RBM39: variants seen among roughly 807,000 people sequenced by gnomAD.
RBM39 encodes RNA-binding protein 39.
A neutral mutation model predicts 79.6 loss-of-function variants in RBM39; 12 were observed. The ratio of observed to expected loss-of-function variants is 0.15; its 90% confidence interval spans 0.10 to 0.24. The LOEUF (loss-of-function observed/expected upper bound fraction) is 0.24. Among genes scored for constraint, RBM39 ranks in the 10% least tolerant of loss-of-function variants. The pLI, the probability that RBM39 is intolerant of heterozygous loss-of-function variation, is 1.00. For synonymous variants in RBM39, 185 were observed against 208.4 expected, an observed-to-expected ratio of 0.89 and a Z score of 0.97; for missense variants, 243 against 653.4, an observed-to-expected ratio of 0.37 and a Z score of 6.85.
At chr20:35,717,357 A>G (rs1055732451) in intron 9 of RBM39, among the ~76,000 whole-genome samples, 1 of 152,010 alleles carries the variant, frequency 6.6e-6, no homozygotes, top group Non-Finnish European at 1.5e-5. Flanking sequence ...TGGGGAGCAG[A>G]GGGGAGAAAA....
chr20:35,733,916 G>GT (rs560154162), intron 3 of RBM39, among the ~76,000 whole-genome samples: 224 of 152,220 alleles, frequency 1.5e-3, no homozygotes, highest in Non-Finnish European at 2.8e-3. Context: ...CTATACCTCT[G>GT]TGTCATCACC....
chr20:35,735,186 T>A, intron 3 of RBM39: 1 of 1,344,520 alleles, frequency 7.4e-7, no homozygotes, highest in Non-Finnish European at 9.6e-7. Context: ...TAATGTTATC[T>A]TTTATTGAGT....
rs1600525377 is a variant in RBM39, at chr20:35,724,730, G to A, written c.535-8C>T. On this transcript the variant is annotated splice_polypyrimidine_tract_variant and splice_region_variant and intron_variant, in intron 7 of 16. Transcript: ENST00000253363. ...CATCCTCACATCTCGAACCTAGAAAGAAAACACAGTTGTTTGTGCAAACAT... is the reference window on the plus strand; with the variant it reads ...CATCCTCACATCTCGAACCTAGAAAAAAAACACAGTTGTTTGTGCAAACAT... 6.2e-7 allele frequency: 1 copy of A among 1,613,180 alleles called. No homozygotes were observed. Among genetic ancestry groups the A allele is most frequent in the Non-Finnish European group, 8.5e-7 (1 of 1,179,372 alleles).
chr20:35,718,008 A>G (rs1433265126), intron 9 of RBM39, among the ~76,000 whole-genome samples: 3 of 151,862 alleles, frequency 2.0e-5, no homozygotes, highest in African/African-American at 4.8e-5. Flanking sequence ...ACAGGCACCC[A>G]CCACCACGCC....
intron 13 of RBM39, chr20:35,707,482 G>T: frequency 4.2e-6 from 1 of 236,978 alleles, no homozygotes; most frequent in East Asian, 1.0e-4. Flanking sequence ...AGTTCAATTA[G>T]ACAAAATCTC....
At chr20:35,741,190 C>G (rs1475853187) in intron 1 of RBM39, among the ~76,000 whole-genome samples, 1 of 151,578 alleles carries the variant, frequency 6.6e-6, no homozygotes, top group African/African-American at 2.4e-5. Context: ...CCTGCCACCA[C>G]GCCCGGCTAA....
chr20:35,737,821 C>T (rs1479810183), intron 3 of RBM39, among the ~76,000 whole-genome samples: 2 of 132,786 alleles, frequency 1.5e-5, no homozygotes, highest in Non-Finnish European at 3.1e-5. Flanking sequence ...TGCACTCCAG[C>T]CTGGGCAACA....
intron 7 of RBM39, 65 bp from the exon 8 acceptor site, chr20:35,724,787 G>C: frequency 6.5e-7 from 1 of 1,547,626 alleles, no homozygotes; most frequent in Non-Finnish European, 8.9e-7. Context: ...TATTTCAAGA[G>C]ACACTGTTGA....
Position 35,702,960 on chromosome 20 carries a change from A to G in RBM39, c.*1521T>C, listed in dbSNP as rs1191367639. On this transcript the variant is annotated 3_prime_UTR_variant, in exon 17 of 17. Coordinates refer to ENST00000253363, the MANE Select transcript of RBM39 (RefSeq NM_184234.3). ...GAGTTTCCATACAAATTAAATCACTAGAACAATTATTGGGATAAATGTCAA... is the reference window on the plus strand; with the variant it reads ...GAGTTTCCATACAAATTAAATCACTGGAACAATTATTGGGATAAATGTCAA... 1 of 152,144 alleles carries G rather than the reference A, an allele frequency of 6.6e-6. No individual in the cohort carries two copies. Among genetic ancestry groups the G allele is most frequent in the Non-Finnish European group, 1.5e-5 (1 of 67,992 alleles). The allele number at this position is 152,144 out of a possible 1,614,324, so 9.4% of individuals were successfully genotyped here.
intron 3 of RBM39, 189 bp from the exon 4 acceptor site, chr20:35,732,324 G>A (rs528859423): frequency 1.7e-4 from 102 of 599,444 alleles, no homozygotes; most frequent in South Asian, 8.9e-4. Context: ...TTGGTAGGCC[G>A]AGGCAGGCAG....
intron 4 of RBM39, 154 bp downstream of exon 4, chr20:35,731,787 T>G (rs2039395254): frequency 2.6e-6 from 2 of 778,598 alleles, no homozygotes; most frequent in African/African-American, 1.7e-5. Context: ...GTATTTTCAC[T>G]TTACTAGTAT....
intron 4 of RBM39, 103 bp downstream of exon 4, chr20:35,731,838 A>T: frequency 9.4e-7 from 1 of 1,066,994 alleles, no homozygotes. Flanking sequence ...TTAACCAATC[A>T]TTAAAAAAAT....
chr20:35,715,126 G>A (rs1426004291), intron 10 of RBM39, among the ~76,000 whole-genome samples: 1 of 152,112 alleles, frequency 6.6e-6, no homozygotes, highest in Non-Finnish European at 1.5e-5. Context: ...TTTCCTGATA[G>A]AGATATACAG....
chr20:35,732,275 A>C, intron 3 of RBM39, 140 bp from the exon 4 acceptor site: 1 of 624,624 alleles, frequency 1.6e-6, no homozygotes, highest in African/African-American at 4.5e-5. Flanking sequence ...GTACATAATC[A>C]TACTTAAAAA....
chr20:35,729,727 AG>A (rs1433719930), intron 4 of RBM39, among the ~76,000 whole-genome samples, 200 bp from the exon 5 acceptor site: 1 of 152,116 alleles, frequency 6.6e-6, no homozygotes, highest in African/African-American at 2.4e-5. Flanking sequence ...GACCACTGAG[AG>A]GTGCCAAGAC....
At chr20:35,708,191 CAA>C (rs1265299730) in intron 13 of RBM39, among the ~76,000 whole-genome samples, 3 of 151,332 alleles carry the variant, frequency 2.0e-5, no homozygotes, top group Admixed American at 6.6e-5. Context: ...TTAAATAAAA[CAA>C]AATTTTAATA....
chr20:35,728,674 G>C (rs572743807), intron 6 of RBM39, among the ~76,000 whole-genome samples: 1 of 152,280 alleles, frequency 6.6e-6, no homozygotes, highest in South Asian at 2.1e-4. Flanking sequence ...CTACTCGGGA[G>C]GCTGAGGCAG....
At chr20:35,711,843 T>C (rs1376817175) in intron 12 of RBM39, among the ~76,000 whole-genome samples, 3 of 152,138 alleles carry the variant, frequency 2.0e-5, no homozygotes, top group African/African-American at 4.8e-5. Flanking sequence ...ACTTCGTATA[T>C]ATATATAAGG....
rs904275459 is a variant in RBM39, at chr20:35,701,360, G to A, written c.*3121C>T. The A allele has an allele frequency of 4.4e-5, 7 of 160,638 alleles. No homozygotes were observed. The highest frequency in any genetic ancestry group is 6.8e-5 in the Non-Finnish European group (5 of 73,078). The allele number at this position is 160,638 out of a possible 1,614,324, so 10.0% of individuals were successfully genotyped here. A position where few individuals can be genotyped will look rare whatever the true frequency, so the allele number is the denominator to read the frequency against. ...GGTTGGAGTGCAGTGGCACGATCTC[G>A]GCTTACCGCAACTTCTGCCTCCTGT... is the stretch of plus-strand genomic sequence containing the variant. On this transcript the variant is annotated 3_prime_UTR_variant, in exon 17 of 17. Transcript: ENST00000253363.
Sources: gnomAD v4.1 joint callset for allele counts (sites outside exome capture counted in the v4.1 genomes callset) on GRCh38, gnomAD v4.1.1 for gene constraint, MANE v1.5 for transcripts, NCBI Gene and HGNC (gene_info 2026-07-23, HGNC 2026-07-21) for gene names.